SGCG: variants seen among roughly 807,000 people sequenced by gnomAD.
SGCG encodes the protein gamma-sarcoglycan.
A neutral mutation model predicts 29.3 loss-of-function variants in SGCG; 26 were observed. That is an observed-to-expected ratio of 0.89 (90% CI 0.65 to 1.23). The LOEUF is 1.23. Ranked by LOEUF, SGCG falls within the 50% of genes most tolerant of loss-of-function variation. The probability of loss-of-function intolerance (pLI) is 0.00; values close to 1 mark genes in which losing one functional copy is unlikely to be tolerated. For synonymous variants in SGCG, 145 were observed against 129.7 expected (o/e 1.12, Z -0.80); for missense variants, 353 against 356.0 (o/e 0.99, Z 0.07).
chr13:23,228,365 T>C, intron 2 of SGCG, among the ~76,000 whole-genome samples: 1 of 152,316 alleles, frequency 6.6e-6, no homozygotes. Flanking sequence ...GTTTATAGAT[T>C]TATTTTTTAT....
chr13:23,252,687 TC>T (rs1184633313), intron 4 of SGCG, among the ~76,000 whole-genome samples: 9 of 150,646 alleles, frequency 6.0e-5, no homozygotes, highest in Admixed American at 4.0e-4. Flanking sequence ...TGAGACTGTG[TC>T]TCAAAAAAAA....
At chr13:23,178,022 A>G (rs1039358552), upstream of SGCG, among the ~76,000 whole-genome samples, 2 of 152,186 alleles carry the variant, frequency 1.3e-5, no homozygotes, top group African/African-American at 4.8e-5. Context: ...GAAGAGATGA[A>G]CAGGGCCCAT....
chr13:23,214,273 C>T (rs906417940), intron 2 of SGCG, among the ~76,000 whole-genome samples: 4 of 152,136 alleles, frequency 2.6e-5, no homozygotes, highest in Non-Finnish European at 5.9e-5. Flanking sequence ...TTTAGTTGAT[C>T]AGAGAGATTA....
intron 3 of SGCG, among the ~76,000 whole-genome samples, chr13:23,248,620 G>A (rs187923200): frequency 6.6e-6 from 1 of 150,990 alleles, no homozygotes; most frequent in African/African-American, 2.4e-5. Flanking sequence ...CGGGAACCCG[G>A]GAGGCGGAGC....
At chr13:23,290,026 T>C (rs1168882588) in intron 5 of SGCG, among the ~76,000 whole-genome samples, 1 of 152,140 alleles carries the variant, frequency 6.6e-6, no homozygotes, top group Non-Finnish European at 1.5e-5. Flanking sequence ...ATTACTCCAG[T>C]TTAAGATCTG....
In SGCG at chr13:23,307,970, G is replaced by T. The variant is rs533081; in HGVS notation, c.578+12483G>T. Among the ~76,000 whole-genome samples the T allele has an allele frequency of 3.3e-5, 5 of 152,218 alleles. No homozygotes were observed. In the East Asian group the frequency reaches 9.7e-4, roughly 29 times the overall value. On this transcript the variant is annotated intron_variant, in intron 6 of 7. Transcript: ENST00000218867. ...AATAAAAATAAAAACCCACATATGG[G>T]TCTCTATAAATGTCAACATTACACC...
intron 2 of SGCG, among the ~76,000 whole-genome samples, chr13:23,210,397 T>A (rs952553752): frequency 1.3e-5 from 2 of 152,118 alleles, no homozygotes; most frequent in Non-Finnish European, 2.9e-5. Context: ...ATTTAGTATA[T>A]AATAGATTTC....
Position 23,253,771 on chromosome 13 carries a change from G to A in SGCG, c.385+3054G>A, listed in dbSNP as rs538594266. 1.4e-4 allele frequency among the ~76,000 whole-genome samples: 22 copies of A among 152,238 alleles called. 1 individual carries two copies. The highest frequency in any genetic ancestry group is 4.1e-4 in the African/African-American group (17 of 41,552). Reference sequence around the variant, plus strand: ...TCATGAGGGTGGATCCCTCTCAAACGGCTTGCACCATACCCTTGGTGAAGA... The same window carrying A: ...TCATGAGGGTGGATCCCTCTCAAACAGCTTGCACCATACCCTTGGTGAAGA... On this transcript the variant is annotated intron_variant, in intron 4 of 7. Transcript: ENST00000218867.
At chr13:23,235,006 T>G (rs1443988253) in intron 3 of SGCG, among the ~76,000 whole-genome samples, 1 of 152,238 alleles carries the variant, frequency 6.6e-6, no homozygotes, top group African/African-American at 2.4e-5. Flanking sequence ...TTAAACTTCT[T>G]TATGTTAGAT....
At chr13:23,236,690 C>CAAT (rs59049093) in intron 3 of SGCG, among the ~76,000 whole-genome samples, 15,289 of 151,210 alleles carry the variant, frequency 0.1, 949 homozygotes, top group Non-Finnish European at 0.13. Context: ...AAAATAATAA[C>CAAT]AATAATAATA....
intron 4 of SGCG, among the ~76,000 whole-genome samples, chr13:23,262,991 A>C (rs11619123): frequency 0.085 from 12,860 of 152,094 alleles, 708 homozygotes; most frequent in South Asian, 0.14. Flanking sequence ...AACCTCTGGG[A>C]TATAGCAAAA....
At chr13:23,204,135 T>G (rs1407290188) in intron 2 of SGCG, among the ~76,000 whole-genome samples, 1 of 151,218 alleles carries the variant, frequency 6.6e-6, no homozygotes, top group Non-Finnish European at 1.5e-5. Context: ...CATCTCGAAA[T>G]AGTGGGAATA....
At chr13:23,225,022 G>T (rs552518882) in intron 2 of SGCG, among the ~76,000 whole-genome samples, 1 of 152,248 alleles carries the variant, frequency 6.6e-6, no homozygotes, top group South Asian at 2.1e-4. Context: ...TACAATCTCA[G>T]TTCCCACCCC....
chr13:23,310,056 A>C (rs1233663141), intron 6 of SGCG, among the ~76,000 whole-genome samples: 1 of 136,098 alleles, frequency 7.3e-6, no homozygotes, highest in Admixed American at 7.3e-5. Context: ...CTATATACTT[A>C]GTATTTTTGC....
At position 23,291,753 on chromosome 13, in the gene SGCG, T is replaced by G. The variant is rs559371809; in HGVS notation, c.506-3662T>G. On this transcript the variant is annotated intron_variant, in intron 5 of 7. Transcript: ENST00000218867. ...TGGCATGCATTTAAAAACTAATTAC[T>G]GAGTTTTATTGCCACTGAAACTCTT... 3.1e-4 allele frequency among the ~76,000 whole-genome samples: 47 copies of G among 152,356 alleles called. No individual in the cohort carries two copies. The South Asian group carries it at 8.7e-3, about 28-fold the overall frequency.
At chr13:23,192,518 C>T (rs1226129514) in intron 1 of SGCG, among the ~76,000 whole-genome samples, 3 of 152,092 alleles carry the variant, frequency 2.0e-5, no homozygotes, top group Non-Finnish European at 2.9e-5. Flanking sequence ...CTCAGCCTCC[C>T]GAGTAGCCGG....
the SGCG span, among the ~76,000 whole-genome samples, chr13:23,174,448 C>T: frequency 6.6e-6 from 1 of 152,054 alleles, no homozygotes; most frequent in South Asian, 2.1e-4. Flanking sequence ...ATGATCCAAC[C>T]ATGACAGAAA....
At chr13:23,322,308 A>C (rs774196332) in intron 7 of SGCG, among the ~76,000 whole-genome samples, 35 of 152,224 alleles carry the variant, frequency 2.3e-4, no homozygotes, top group Non-Finnish European at 4.7e-4. Flanking sequence ...GGGTTTATTG[A>C]GGACTTAACA....
At chr13:23,260,505 C>G (rs919507146) in intron 4 of SGCG, among the ~76,000 whole-genome samples, 13 of 152,120 alleles carry the variant, frequency 8.5e-5, no homozygotes, top group African/African-American at 3.1e-4. Context: ...ATCCAATTTG[C>G]CAGTCTGTGT....
Sources: allele counts gnomAD v4.1 joint callset (sites outside exome capture counted in the v4.1 genomes callset), GRCh38; gene constraint gnomAD v4.1.1; transcripts MANE v1.5; gene names NCBI Gene and HGNC (gene_info 2026-07-23, HGNC 2026-07-21).